Variants in SLC24A3 observed in about 807,000 individuals in gnomAD.
SLC24A3 encodes sodium/potassium/calcium exchanger 3.
A neutral mutation model predicts 75.8 loss-of-function variants in SLC24A3; 28 were observed. The ratio of observed to expected loss-of-function variants is 0.37; its 90% CI spans 0.27 to 0.51. The LOEUF (loss-of-function observed/expected upper bound fraction) is 0.51. Ranked by LOEUF, SLC24A3 falls within the 20% of genes least tolerant of loss-of-function variation. SLC24A3 has a pLI of 0.94. For missense variants in SLC24A3, 663 were observed against 847.8 expected (o/e 0.78, Z 2.71); for synonymous variants, 372 against 334.1 (o/e 1.11, Z -1.24).
intron 2 of SLC24A3, among the ~76,000 whole-genome samples, chr20:19,352,499 T>C (rs1320046529): frequency 6.6e-6 from 1 of 152,140 alleles, no homozygotes; most frequent in Non-Finnish European, 1.5e-5. Context: ...ATCTCCTCAT[T>C]TGATTATTGA....
At chr20:19,340,330 A>G (rs922149693) in intron 2 of SLC24A3, among the ~76,000 whole-genome samples, 15 of 152,338 alleles carry the variant, frequency 9.8e-5, no homozygotes, top group African/African-American at 3.6e-4. Flanking sequence ...ACCAAAGCTT[A>G]GCAGCAAACC....
chr20:19,631,789 A>AGTGTGTGTGTGT (rs1317875244), intron 6 of SLC24A3, among the ~76,000 whole-genome samples: 1 of 98,526 alleles, frequency 1.0e-5, no homozygotes, highest in South Asian at 3.5e-4. Flanking sequence ...TGTATGAGTG[A>AGTGTGTGTGTGT]GAGTGTGTGT....
In SLC24A3 at chr20:19,511,876, C is replaced by T. The variant is rs116504721; in HGVS notation, c.272-3612C>T. Among the ~76,000 whole-genome samples the T allele has an allele frequency of 4.5e-3, 691 of 152,242 alleles. 10 individuals carry two copies. The highest frequency in any genetic ancestry group is 0.015 in the African/African-American group (643 of 41,548). The stretch of plus-strand genomic sequence containing the variant: ...TAGGTGAGTATTTAACCTGGTCATT[C>T]TTTCCACATTGCTATTGGCCATCAA... On this transcript the variant is annotated intron_variant, in intron 2 of 16. Transcript: ENST00000328041.
intron 14 of SLC24A3, among the ~76,000 whole-genome samples, chr20:19,697,221 C>T (rs369275875): frequency 4.3e-4 from 65 of 152,198 alleles, no homozygotes; most frequent in African/African-American, 1.4e-3. Flanking sequence ...GAAGGTCCTA[C>T]CCTTGAGGAA....
rs1405173389 is a variant in SLC24A3 at position 19,418,120 on chromosome 20, A to G, written c.272-97368A>G. 3.3e-5 allele frequency among the ~76,000 whole-genome samples: 5 copies of G among 152,342 alleles called. No individual in the cohort carries two copies. In the East Asian group the frequency reaches 7.7e-4, roughly 23 times the overall value. On this transcript the variant is annotated intron_variant, in intron 2 of 16. Coordinates refer to ENST00000328041, the MANE Select transcript of SLC24A3 (RefSeq NM_020689.4). ...TTTTAGCTCCTCACTCAAATATGAAAAAACAACAAGGGATCATTAGGCACT... is the reference window on the plus strand; with the variant it reads ...TTTTAGCTCCTCACTCAAATATGAAGAAACAACAAGGGATCATTAGGCACT...
At chr20:19,716,697 C>T (rs754905790) in intron 15 of SLC24A3, among the ~76,000 whole-genome samples, 4 of 151,858 alleles carry the variant, frequency 2.6e-5, no homozygotes, top group South Asian at 4.2e-4. Flanking sequence ...GCCCGGGCAA[C>T]GTAGTGAGAC....
intron 3 of SLC24A3, among the ~76,000 whole-genome samples, chr20:19,528,204 C>T (rs1184026614): frequency 2.6e-5 from 4 of 152,158 alleles, no homozygotes; most frequent in African/African-American, 9.7e-5. Context: ...TCAAGGGCCC[C>T]AAAGATAACT....
intron 2 of SLC24A3, among the ~76,000 whole-genome samples, chr20:19,395,700 C>A (rs12233289): frequency 0.24 from 36,588 of 152,076 alleles, 8,662 homozygotes; most frequent in African/African-American, 0.59. Flanking sequence ...AAGGAGGCAT[C>A]CAAGTTGAGT....
At chr20:19,362,753 AC>A (rs1289731847) in intron 2 of SLC24A3, among the ~76,000 whole-genome samples, 5 of 151,790 alleles carry the variant, frequency 3.3e-5, no homozygotes, top group Admixed American at 2.6e-4. Flanking sequence ...TGCTCCCTAC[AC>A]CCCCGAGTCT....
chr20:19,432,289 T>A lies in SLC24A3; in HGVS notation c.272-83199T>A, dbSNP rs145452802. On this transcript the variant is annotated intron_variant, in intron 2 of 16. Coordinates refer to ENST00000328041, the MANE Select transcript of SLC24A3 (RefSeq NM_020689.4). The stretch of plus-strand genomic sequence containing the variant: ...TATCTGTTTTATATATATATATATA[T>A]ATAAGATTATATATATATAATCTTA... 3.6e-3 allele frequency among the ~76,000 whole-genome samples: 519 copies of A among 145,082 alleles called. 13 individuals carry two copies. The highest frequency in any genetic ancestry group is 0.033 in the Admixed American group (490 of 14,658).
intron 2 of SLC24A3, among the ~76,000 whole-genome samples, chr20:19,295,907 G>T (rs1984048699): frequency 6.6e-6 from 1 of 151,992 alleles, no homozygotes; most frequent in Non-Finnish European, 1.5e-5. Context: ...CTTCTCAATT[G>T]TTTGGAATAG....
In SLC24A3 at chr20:19,511,358, C is replaced by T. The variant is rs185713800; in HGVS notation, c.272-4130C>T. On this transcript the variant is annotated intron_variant, in intron 2 of 16. Coordinates refer to ENST00000328041, the MANE Select transcript of SLC24A3 (RefSeq NM_020689.4). ...TTTTTTTTTTTTTGAGATGGAGTCT[C>T]GCTCTGTCACCCAGGCTGGAGTACA... Among the ~76,000 whole-genome samples, 287 of 146,826 alleles carry T rather than the reference C, an allele frequency of 2.0e-3. 1 individual carries two copies. The highest frequency in any genetic ancestry group is 7.0e-3 in the African/African-American group (276 of 39,436).
chr20:19,668,004 C>A (rs1473185796), intron 8 of SLC24A3, among the ~76,000 whole-genome samples: 1 of 152,142 alleles, frequency 6.6e-6, no homozygotes, highest in Non-Finnish European at 1.5e-5. Flanking sequence ...AGTTGCAAAT[C>A]CCCTCGTGTG....
chr20:19,480,498 G>C (rs1988035574), intron 2 of SLC24A3, among the ~76,000 whole-genome samples: 1 of 152,130 alleles, frequency 6.6e-6, no homozygotes. Context: ...TCCAGTTTGA[G>C]GTGCACTATT....
At chr20:19,366,780 A>G (rs1298444118) in intron 2 of SLC24A3, among the ~76,000 whole-genome samples, 1 of 152,092 alleles carries the variant, frequency 6.6e-6, no homozygotes, top group Non-Finnish European at 1.5e-5. Context: ...CTGAGAAATG[A>G]AGCGTGCAAA....
In SLC24A3 at chr20:19,585,505, C is replaced by A; in HGVS notation, c.573C>A (p.Ile191=). Residue 191 remains isoleucine (I), a synonymous_variant, in exon 6 of 17, where the codon ATC becomes ATA. Coordinates refer to ENST00000328041, the MANE Select transcript of SLC24A3 (RefSeq NM_020689.4). ...TCGTGGGCTCAGCGGTATTCAACATCCTGTGCATCATTGGTGTCTGTGGGC... is the reference window on the plus strand; with the variant it reads ...TCGTGGGCTCAGCGGTATTCAACATACTGTGCATCATTGGTGTCTGTGGGC... ...GTIVGSAVFN[I]LCIIGVCGLF... 6.2e-7 allele frequency: 1 copy of A among 1,614,176 alleles called. No homozygotes were observed. The highest frequency in any genetic ancestry group is 8.5e-7 in the Non-Finnish European group (1 of 1,180,040).
At chr20:19,649,430 TTCTC>T (rs1568684839) in intron 6 of SLC24A3, among the ~76,000 whole-genome samples, 2 of 152,364 alleles carry the variant, frequency 1.3e-5, no homozygotes, top group East Asian at 1.9e-4. Flanking sequence ...ATTTAACTGA[TTCTC>T]TCCCTCCTAG....
rs193112360 is a variant in SLC24A3 at position 19,226,728 on chromosome 20, C to T, written c.142+13744C>T. 2.2e-3 allele frequency among the ~76,000 whole-genome samples: 331 copies of T among 152,108 alleles called. 1 individual carries two copies. The highest frequency in any genetic ancestry group is 7.7e-3 in the African/African-American group (318 of 41,492). ...ACCATTATTATCTCCAATTTACATG[C>T]GAAGAAAAATAAGACAAACAGTTTA... On this transcript the variant is annotated intron_variant, in intron 1 of 16. Coordinates refer to ENST00000328041, the MANE Select transcript of SLC24A3 (RefSeq NM_020689.4).
intron 1 of SLC24A3, among the ~76,000 whole-genome samples, chr20:19,241,538 A>G (rs534316275): frequency 6.6e-6 from 1 of 152,346 alleles, no homozygotes; most frequent in Non-Finnish European, 1.5e-5. Flanking sequence ...TGGCCGGGGT[A>G]GCTCTGCCAG....
Sources: gnomAD v4.1 joint callset for allele counts (sites outside exome capture counted in the v4.1 genomes callset) on GRCh38, gnomAD v4.1.1 for gene constraint, MANE v1.5 for transcripts, NCBI Gene and HGNC (gene_info 2026-07-23, HGNC 2026-07-21) for gene names.